MCOLN2: variants seen among roughly 807,000 people sequenced by gnomAD.
MCOLN2 encodes the protein mucolipin TRP cation channel 2, also known as mucolipin-2.
MCOLN2 carries 57 observed loss-of-function variants against 67.5 expected under a neutral mutation model. That is an observed-to-expected ratio of 0.84 (90% CI 0.68 to 1.05). The LOEUF (loss-of-function observed/expected upper bound fraction) is 1.05, where lower values mean the gene tolerates loss of function less well. MCOLN2 is among the 50% of genes least tolerant of loss of function. The pLI, the probability that MCOLN2 is intolerant of heterozygous loss-of-function variation, is 0.00. For missense variants in MCOLN2, 620 were observed against 678.8 expected, an observed-to-expected ratio of 0.91 and a Z score of 0.96; for synonymous variants, 246 against 233.3, an observed-to-expected ratio of 1.05 and a Z score of -0.50.
chr1:84,965,771 A>C, intron 1 of MCOLN2, 63 bp from the exon 2 acceptor site: 1 of 1,526,904 alleles, frequency 6.5e-7, no homozygotes, highest in Non-Finnish European at 8.9e-7. Flanking sequence ...TTTTGAAGTA[A>C]CTTGCTTTCC....
intron 1 of MCOLN2, among the ~76,000 whole-genome samples, chr1:84,993,716 C>T (rs11583885): frequency 0.041 from 6,220 of 150,846 alleles, 193 homozygotes; most frequent in Middle Eastern, 0.14. Context: ...CTGCAAGCTC[C>T]GCCTCCCGGG....
chr1:84,944,260 C>T lies in MCOLN2; in HGVS notation c.847+2773G>A, dbSNP rs566838343. On this transcript the variant is annotated intron_variant, in intron 7 of 13. Coordinates refer to ENST00000370608, the MANE Select transcript of MCOLN2 (RefSeq NM_153259.4). ...GTATTTTATGAACATCTTGGCCAGG[C>T]GCGGTGGCTCACGCCTGTAATCCCA... 7.9e-5 allele frequency among the ~76,000 whole-genome samples: 12 copies of T among 152,172 alleles called. No individual in the cohort carries two copies. In the East Asian group the frequency reaches 1.5e-3, roughly 20 times the overall value.
intron 12 of MCOLN2, among the ~76,000 whole-genome samples, chr1:84,930,317 G>A (rs771031789): frequency 2.6e-5 from 4 of 151,700 alleles, no homozygotes; most frequent in Non-Finnish European, 5.9e-5. Context: ...AAGACTAGAT[G>A]AGACCTCCCA....
intron 1 of MCOLN2, among the ~76,000 whole-genome samples, chr1:84,987,545 GATGTATACATCT>G (rs1557665862): frequency 6.5e-5 from 1 of 15,448 alleles, no homozygotes; most frequent in Non-Finnish European, 1.3e-4. Context: ...TGTATACATA[GATGTATACATCT>G]ATGTATACAT....
At chr1:84,986,229 T>C (rs1226030557) in intron 1 of MCOLN2, among the ~76,000 whole-genome samples, 2 of 152,170 alleles carry the variant, frequency 1.3e-5, no homozygotes, top group Non-Finnish European at 2.9e-5. Context: ...CTGGAATAAT[T>C]GGCAGGCCAC....
At chr1:84,976,754 A>C (rs1002335281) in intron 1 of MCOLN2, among the ~76,000 whole-genome samples, 2 of 152,166 alleles carry the variant, frequency 1.3e-5, no homozygotes, top group Non-Finnish European at 2.9e-5. Flanking sequence ...TGACAGACCA[A>C]GACTCCATCT....
At chr1:84,953,413 G>A (rs1160509799) in intron 4 of MCOLN2, among the ~76,000 whole-genome samples, 1 of 152,076 alleles carries the variant, frequency 6.6e-6, no homozygotes, top group Non-Finnish European at 1.5e-5. Context: ...AGCCGGGCGT[G>A]GTGGCGTGCG....
rs768407093 is a variant in MCOLN2, at chr1:84,965,657, T to C, written c.129A>G (p.Glu43=). 9.9e-6 allele frequency: 16 copies of C among 1,613,556 alleles called. No individual in the cohort carries two copies. The African/African-American group carries it at 1.9e-4, about 19-fold the overall frequency. Residue 43 remains glutamate (E), a synonymous_variant, in exon 2 of 14, where the codon GAA becomes GAG. Coordinates refer to ENST00000370608, the MANE Select transcript of MCOLN2 (RefSeq NM_153259.4). ...DSEMKEECLR[E]DLKFYFMSPC... ...GGCTCATGAAGTAAAACTTCAGGTC[T>C]TCCCTTAGACATTCTTCTTTCATCT...
In MCOLN2 at chr1:84,937,987, T is replaced by C. The variant is rs753144367; in HGVS notation, c.1206A>G (p.Ala402=). 2 of 1,613,808 alleles carry C rather than the reference T, an allele frequency of 1.2e-6. No homozygotes were observed. Among genetic ancestry groups the C allele is most frequent in the Non-Finnish European group, 1.7e-6 (2 of 1,179,804 alleles). ...CCCGGTGCCGCATCCTTACATTATA[T>C]GCCTGGAAATAACCCAGGTATCTGA... ...GVIRYLGYFQ[A]YNVLILTMQA... Residue 402 remains alanine, a synonymous_variant, in exon 10 of 14, where the codon GCA becomes GCG. Transcript: ENST00000370608.
intron 7 of MCOLN2, among the ~76,000 whole-genome samples, chr1:84,944,341 T>C (rs904068030): frequency 5.3e-5 from 8 of 152,108 alleles, no homozygotes; most frequent in African/African-American, 1.9e-4. Context: ...AAGACCAGCC[T>C]GGCCAATATG....
intron 1 of MCOLN2, among the ~76,000 whole-genome samples, chr1:84,979,969 T>C (rs1468193850): frequency 6.6e-6 from 1 of 152,196 alleles, no homozygotes; most frequent in African/African-American, 2.4e-5. Context: ...ATAAACAATT[T>C]TAGTAAAGTT....
intron 1 of MCOLN2, chr1:84,972,012 A>C (rs955288061): frequency 6.6e-6 from 1 of 152,266 alleles, no homozygotes; most frequent in African/African-American, 2.4e-5. Context: ...CAGTGAGCTG[A>C]GAATGTGCCA....
At chr1:84,941,668 A>G (rs1647792846) in intron 7 of MCOLN2, among the ~76,000 whole-genome samples, 1 of 152,214 alleles carries the variant, frequency 6.6e-6, no homozygotes, top group South Asian at 2.1e-4. Flanking sequence ...GTTCTTTCAC[A>G]TAAAAGCAGA....
chr1:84,934,192 CT>C (rs1372356775), intron 11 of MCOLN2, among the ~76,000 whole-genome samples: 1 of 152,184 alleles, frequency 6.6e-6, no homozygotes, highest in African/African-American at 2.4e-5. Context: ...GGTCTATGTG[CT>C]GTGCTGGACA....
At chr1:84,986,517 T>G (rs1308968947) in intron 1 of MCOLN2, among the ~76,000 whole-genome samples, 1 of 129,338 alleles carries the variant, frequency 7.7e-6, no homozygotes, top group Non-Finnish European at 1.6e-5. Context: ...CGCTCCAGCC[T>G]GGGTAACAAG....
intron 1 of MCOLN2, among the ~76,000 whole-genome samples, chr1:84,975,848 T>A (rs181343955): frequency 2.6e-4 from 39 of 152,158 alleles, no homozygotes; most frequent in Admixed American, 2.0e-3. Context: ...TTAAAAAGAA[T>A]CTAAAAGAAA....
intron 6 of MCOLN2, among the ~76,000 whole-genome samples, chr1:84,950,983 T>C (rs1648399896): frequency 6.6e-6 from 1 of 152,176 alleles, no homozygotes; most frequent in Admixed American, 6.5e-5. Context: ...GACCATATCA[T>C]GACAAAGTCA....
rs1557635322 is a variant in MCOLN2, at chr1:84,940,884, GT to G, written c.954del (p.Leu318PhefsTer6). The G allele has an allele frequency of 6.2e-7, 1 of 1,609,538 alleles. No individual in the cohort carries two copies. On this transcript the variant is annotated frameshift_variant, in exon 8 of 14. Transcript: ENST00000370608. LOFTEE classifies it high-confidence loss of function. ...CTRSIVLALRLRKRFLNFFLE... is the reference protein window; with the variant it reads ...CTRSIVLALRXRKRFLNFFLE... ...GAATGCGAACACACTCTTACCTTCC[GT>G]AACCTTAGAGCAAGAACAATGGATC...
In MCOLN2 at chr1:84,997,015, G is replaced by T; in HGVS notation, c.-143C>A. The T allele has an allele frequency of 1.4e-6, 1 of 701,948 alleles. No individual in the cohort carries two copies. Among genetic ancestry groups the T allele is most frequent in the Non-Finnish European group, 2.4e-6 (1 of 418,806 alleles). 43.5% of individuals were successfully genotyped at this position (701,948 alleles called of 1,614,324 possible). A position where few individuals can be genotyped will look rare whatever the true frequency, so the allele number is the denominator to read the frequency against. ...GGGGTTCCCTTCTCTTACCCTTTCT[G>T]CCGGCCGCGTGGTGCGCGCAGACCC... On this transcript the variant is annotated 5_prime_UTR_variant, in exon 1 of 14. Coordinates refer to ENST00000370608, the MANE Select transcript of MCOLN2 (RefSeq NM_153259.4).
Sources: gnomAD v4.1 joint callset for allele counts (sites outside exome capture counted in the v4.1 genomes callset) on GRCh38, gnomAD v4.1.1 for gene constraint, MANE v1.5 for transcripts, NCBI Gene and HGNC (gene_info 2026-07-23, HGNC 2026-07-21) for gene names.